The following AMY2B variants were observed in gnomAD, a reference collection of about 807,000 sequenced individuals.
The protein encoded by AMY2B is amylase alpha 2B.
In AMY2B, 63 loss-of-function variants were observed where a neutral mutation model predicts 59.3. The observed-to-expected ratio is 1.06, with a 90% confidence interval of 0.87 to 1.31. AMY2B has a LOEUF of 1.31. Among genes scored for constraint, AMY2B ranks in the 50% most tolerant of loss-of-function variants. The probability of loss-of-function intolerance (pLI) is 0.00; values close to 1 mark genes in which losing one functional copy is unlikely to be tolerated. For missense variants in AMY2B, 635 were observed against 626.7 expected (o/e 1.01, Z -0.14); for synonymous variants, 180 against 198.1 (o/e 0.91, Z 0.77).
At chr1:103,574,492 T>C in intron 5 of AMY2B, 99 bp downstream of exon 5, 4 of 1,591,144 alleles carry the variant, frequency 2.5e-6, no homozygotes, top group Non-Finnish European at 3.4e-6. Context: ...TTCAGACAAC[T>C]ATCAAGGAGT....
At chr1:103,575,609 A>T (rs752210836) in intron 7 of AMY2B, 69 bp downstream of exon 7, 1 of 1,585,292 alleles carries the variant, frequency 6.3e-7, no homozygotes, top group African/African-American at 1.4e-5. Flanking sequence ...CTAACTTAAT[A>T]TGACAACTAT....
chr1:103,572,315 C>A (rs1461706278), intron 2 of AMY2B, 59 bp downstream of exon 2: 3 of 1,575,100 alleles, frequency 1.9e-6, no homozygotes, highest in Admixed American at 3.8e-5. Context: ...TCTCTCTCTT[C>A]TTTCTTGCTC....
At chr1:103,570,393 A>G, upstream of AMY2B, 1 of 871,386 alleles carries the variant, frequency 1.1e-6, no homozygotes, top group Non-Finnish European at 1.9e-6. Flanking sequence ...CTTCAACTCC[A>G]TCATGAAGTG....
intron 4 of AMY2B, 134 bp downstream of exon 4, chr1:103,574,072 T>C (rs767370826): frequency 6.5e-7 from 1 of 1,527,676 alleles, no homozygotes; most frequent in East Asian, 2.4e-5. Flanking sequence ...TAACCTCCTC[T>C]TCACATACAG....
rs777098976 is a variant in AMY2B at position 103,564,288 on chromosome 1, C to T, written c.-206-1147C>T. On this transcript the variant is annotated intron_variant, in intron 1 of 11. Coordinates refer to the AMY2B transcript ENST00000361355. ...AGTTTGTCTTAACTCCTAATAATTG[C>T]GTTTTCACATTTGGAACCTTGAGTC... Among the ~76,000 whole-genome samples the T allele has an allele frequency of 4.9e-4, 74 of 152,036 alleles. 1 individual carries two copies. Among genetic ancestry groups the T allele is most frequent in the Admixed American group, 2.0e-4 (3 of 15,228 alleles).
At position 103,572,308 on chromosome 1, in the gene AMY2B, C is replaced by T. The variant is rs74109132; in HGVS notation, c.315+52C>T. 16 of 1,595,136 alleles carry T rather than the reference C, an allele frequency of 1.0e-5. No individual in the cohort carries two copies. The African/African-American group carries it at 2.0e-4, about 20-fold the overall frequency. Reference sequence around the variant, plus strand: ...AATAACAGATAGGAAAATGATTTCTCTCTCTTCTTTCTTGCTCCTTTTCAG... The same window carrying T: ...AATAACAGATAGGAAAATGATTTCTTTCTCTTCTTTCTTGCTCCTTTTCAG... On this transcript the variant is annotated intron_variant, in intron 2 of 9. Coordinates refer to ENST00000684275, the MANE Select transcript of AMY2B (RefSeq NM_001387437.1).
rs187606932 is a variant in AMY2B at position 103,561,557 on chromosome 1, C to G, written c.-206-3878C>G. ...CTCATTTAACTAATTTAACCCAGCC[C>G]TATGCCAATCGGGTCTTTAAGGTTA... is the stretch of plus-strand genomic sequence containing the variant. On this transcript the variant is annotated intron_variant, in intron 1 of 11. Coordinates refer to the AMY2B transcript ENST00000361355. 2.3e-3 allele frequency among the ~76,000 whole-genome samples: 356 copies of G among 152,152 alleles called. 2 individuals carry two copies. Among genetic ancestry groups the G allele is most frequent in the Middle Eastern group, 0.017 (5 of 294 alleles).
At position 103,575,334 on chromosome 1, in the gene AMY2B, CT is replaced by C. The variant is rs1361431995; in HGVS notation, c.991del (p.Trp331GlyfsTer23). 6.2e-7 allele frequency: 1 copy of C among 1,613,522 alleles called. No individual in the cohort carries two copies. The highest frequency in any genetic ancestry group is 2.2e-5 in the East Asian group (1 of 44,852). ...GAGGASILTF[W>X]DARLYKMAVG... ...CTGGAGGAGCCTCTATTCTTACCTT[CT>C]GGGATGCTAGGTAGAAAACCAAGTT... On this transcript the variant is annotated frameshift_variant, in exon 6 of 10. Transcript: ENST00000684275. LOFTEE classifies it high-confidence loss of function.
intron 7 of AMY2B, among the ~76,000 whole-genome samples, chr1:103,577,061 C>G (rs989195607): frequency 6.6e-6 from 1 of 152,100 alleles, no homozygotes; most frequent in African/African-American, 2.4e-5. Context: ...CTAGCAAGAC[C>G]TCGTCTTTAC....
In AMY2B at chr1:103,573,745, C is replaced by T; in HGVS notation, c.551C>T (p.Ala184Val). 2 of 1,613,786 alleles carry T rather than the reference C, an allele frequency of 1.2e-6. No individual in the cohort carries two copies. Among genetic ancestry groups the T allele is most frequent in the South Asian group, 1.1e-5 (1 of 91,070 alleles). Reference sequence around the variant, plus strand: ...CGTCTGGTTGGTCTTCTTGATCTTGCACTGGAGAAAGATTATGTGCGTTCC... The same window carrying T: ...CGTCTGGTTGGTCTTCTTGATCTTGTACTGGAGAAAGATTATGTGCGTTCC... The part of the protein sequence containing the change: ...DCRLVGLLDL[A>V]LEKDYVRSKI... Residue 184 changes from alanine to valine, a missense_variant, in exon 4 of 10, where the codon GCA becomes GTA. Transcript: ENST00000684275.
At chr1:103,571,846 G>A (rs1459015988) in intron 1 of AMY2B, 76 bp downstream of exon 1, 2 of 1,610,942 alleles carry the variant, frequency 1.2e-6, no homozygotes, top group Non-Finnish European at 1.7e-6. Context: ...TATCCGTGAA[G>A]CTTAGGCAAC....
upstream of AMY2B, chr1:103,571,273 T>C (rs1290990556): frequency 2.8e-6 from 2 of 720,654 alleles, no homozygotes; most frequent in Non-Finnish European, 3.9e-6. Flanking sequence ...TGTATGCAAT[T>C]CTCGATCTTT....
At chr1:103,575,418 T>C (rs1404556050) in intron 6 of AMY2B, 23 bp from the exon 7 acceptor site, 2 of 1,613,244 alleles carry the variant, frequency 1.2e-6, no homozygotes, top group Admixed American at 3.3e-5. Flanking sequence ...TATTCTGTGA[T>C]AATATAATTA....
chr1:103,577,317 A>T, intron 7 of AMY2B, 173 bp from the exon 8 acceptor site: 1 of 1,211,932 alleles, frequency 8.3e-7, no homozygotes. Context: ...CAGAGGATAG[A>T]GAGATGATGA....
intron 1 of AMY2B, among the ~76,000 whole-genome samples, chr1:103,555,861 ATC>A: frequency 6.6e-6 from 1 of 152,326 alleles, no homozygotes; most frequent in African/African-American, 2.4e-5. Flanking sequence ...TTGTATGCTA[ATC>A]AGACTGATTC....
intron 4 of AMY2B, 57 bp downstream of exon 4, chr1:103,573,995 C>T (rs1173784400): frequency 1.9e-6 from 3 of 1,611,970 alleles, no homozygotes; most frequent in Non-Finnish European, 2.5e-6. Flanking sequence ...AAAATAATGG[C>T]AGATTTAATT....
intron 1 of AMY2B, among the ~76,000 whole-genome samples, chr1:103,563,835 G>A (rs1651817828): frequency 6.6e-6 from 1 of 152,088 alleles, no homozygotes; most frequent in African/African-American, 2.4e-5. Context: ...AAGCGAATAA[G>A]CAAGAAGAAT....
intron 1 of AMY2B, among the ~76,000 whole-genome samples, chr1:103,556,862 T>C (rs1307729126): frequency 5.3e-5 from 8 of 152,206 alleles, no homozygotes; most frequent in Non-Finnish European, 1.0e-4. Flanking sequence ...CTTTTGTGAG[T>C]AATGGAAAGC....
At chr1:103,578,488 A>C (rs1652449201) in intron 9 of AMY2B, among the ~76,000 whole-genome samples, 1 of 152,208 alleles carries the variant, frequency 6.6e-6, no homozygotes, top group Non-Finnish European at 1.5e-5. Flanking sequence ...ATAGCTCAGA[A>C]GACCTCGTTG....
Sources: allele counts gnomAD v4.1 joint callset (sites outside exome capture counted in the v4.1 genomes callset), GRCh38; gene constraint gnomAD v4.1.1; transcripts MANE v1.5; gene names NCBI Gene and HGNC (gene_info 2026-07-23, HGNC 2026-07-21).